Variants in SHTN1 observed in about 807,000 individuals in gnomAD.
SHTN1 encodes shootin 1, also known as shootin-1.
Under a neutral mutation model 83.1 loss-of-function variants are expected in SHTN1, and 42 were observed. That is an observed-to-expected ratio of 0.51 (90% CI 0.39 to 0.65). The LOEUF is 0.65. Ranked by LOEUF, SHTN1 falls within the 30% of genes least tolerant of loss-of-function variation. SHTN1 has a pLI of 0.00. For missense variants in SHTN1, 622 were observed against 737.8 expected (o/e 0.84, Z 1.82); for synonymous variants, 224 against 247.7 (o/e 0.90, Z 0.90).
chr10:117,003,991 G>A (rs1851913955), intron 1 of SHTN1, among the ~76,000 whole-genome samples: 1 of 152,014 alleles, frequency 6.6e-6, no homozygotes, highest in South Asian at 2.1e-4. Context: ...GCCTCCTGGC[G>A]ATTCTCCTGC....
intron 1 of SHTN1, among the ~76,000 whole-genome samples, chr10:117,077,085 G>T (rs950068913): frequency 6.6e-6 from 1 of 152,122 alleles, no homozygotes; most frequent in African/African-American, 2.4e-5. Context: ...AAGCCCTTAC[G>T]ATTTAAGAAG....
Position 116,881,707 on chromosome 10 carries a change from A to G in SHTN1, c.*4637T>C. 7.1e-7 allele frequency: 1 copy of G among 1,399,656 alleles called. No homozygotes were observed. Among genetic ancestry groups the G allele is most frequent in the Non-Finnish European group, 9.4e-7 (1 of 1,069,514 alleles). The allele number at this position is 1,399,656 out of a possible 1,614,324, so 86.7% of individuals were successfully genotyped here. On this transcript the variant is annotated 3_prime_UTR_variant, in exon 17 of 17. Coordinates refer to ENST00000355371, the MANE Select transcript of SHTN1 (RefSeq NM_001127211.3). ...CCCAGGTTCCAGCCACACCATCAGT[A>G]TTAGTAGACCGGGAGGTCTGAAGTA... is the stretch of plus-strand genomic sequence containing the variant.
At chr10:116,905,816 C>T (rs1481651469) in intron 15 of SHTN1, among the ~76,000 whole-genome samples, 1 of 152,174 alleles carries the variant, frequency 6.6e-6, no homozygotes, top group African/African-American at 2.4e-5. Context: ...TACCTGGTCA[C>T]AAGGGGAAAC....
intron 3 of SHTN1, among the ~76,000 whole-genome samples, chr10:116,963,094 C>T (rs71475008): frequency 3.7e-5 from 3 of 81,136 alleles, no homozygotes; most frequent in Admixed American, 2.2e-4. Flanking sequence ...TTTTTTGAGA[C>T]GGAGTCTCGC....
chr10:117,062,269 T>C (rs1302375119), intron 1 of SHTN1, among the ~76,000 whole-genome samples: 1 of 152,220 alleles, frequency 6.6e-6, no homozygotes, highest in Non-Finnish European at 1.5e-5. Flanking sequence ...AAAGTGAATT[T>C]ACCCTACAGT....
chr10:116,975,160 C>T (rs1451824277), intron 2 of SHTN1, among the ~76,000 whole-genome samples: 1 of 152,082 alleles, frequency 6.6e-6, no homozygotes, highest in South Asian at 2.1e-4. Context: ...GTTAAAAAAA[C>T]TCGCTGTTTT....
chr10:116,944,274 C>T (rs1039699864), intron 8 of SHTN1, among the ~76,000 whole-genome samples: 3 of 152,186 alleles, frequency 2.0e-5, no homozygotes, highest in Non-Finnish European at 2.9e-5. Flanking sequence ...CAATTCCTTT[C>T]CCTTACATAG....
chr10:117,053,730 CAT>C (rs1466376957), intron 1 of SHTN1, among the ~76,000 whole-genome samples: 1 of 152,172 alleles, frequency 6.6e-6, no homozygotes, highest in African/African-American at 2.4e-5. Context: ...AGAATTACCA[CAT>C]GACTCAGCAA....
At chr10:117,117,478 C>A (rs1242878267) in intron 1 of SHTN1, among the ~76,000 whole-genome samples, 1 of 152,170 alleles carries the variant, frequency 6.6e-6, no homozygotes, top group East Asian at 1.9e-4. Flanking sequence ...AAGCAATCTA[C>A]AGATTCAATG....
intron 12 of SHTN1, 109 bp from the exon 13 acceptor site, chr10:116,915,593 T>G: frequency 1.5e-6 from 1 of 665,226 alleles, no homozygotes; most frequent in South Asian, 2.0e-5. Context: ...CAGTCATTTT[T>G]CATTCACAGT....
chr10:117,085,552 C>T (rs1406463213), intron 1 of SHTN1, among the ~76,000 whole-genome samples: 3 of 152,120 alleles, frequency 2.0e-5, no homozygotes, highest in African/African-American at 7.2e-5. Context: ...TGTGGTCTAC[C>T]TTGGTGAATG....
intron 2 of SHTN1, among the ~76,000 whole-genome samples, chr10:117,011,233 T>G (rs1852098407): frequency 6.6e-6 from 1 of 152,246 alleles, no homozygotes; most frequent in Admixed American, 6.5e-5. Context: ...ATTTAGCTCT[T>G]AAGTTTAGGT....
chr10:116,977,734 G>A (rs1564909970), intron 2 of SHTN1, among the ~76,000 whole-genome samples: 1 of 151,876 alleles, frequency 6.6e-6, no homozygotes, highest in Non-Finnish European at 1.5e-5. Context: ...GAATGCAGTG[G>A]TGCAATCATG....
intron 16 of SHTN1, among the ~76,000 whole-genome samples, chr10:116,891,437 C>T (rs770035978): frequency 6.6e-6 from 1 of 152,164 alleles, no homozygotes; most frequent in Non-Finnish European, 1.5e-5. Context: ...CACAGCCGGA[C>T]GGTCTGAACT....
intron 1 of SHTN1, among the ~76,000 whole-genome samples, chr10:117,086,369 G>T (rs1409558632): frequency 6.6e-6 from 1 of 152,124 alleles, no homozygotes; most frequent in Non-Finnish European, 1.5e-5. Context: ...CATAGTTGGG[G>T]TCTTGTTTGC....
upstream of SHTN1, among the ~76,000 whole-genome samples, chr10:117,009,767 G>A (rs1488002479): frequency 6.6e-6 from 1 of 152,020 alleles, no homozygotes; most frequent in Non-Finnish European, 1.5e-5. Context: ...AGCCGGGCGT[G>A]GTGGCGGGCG....
chr10:117,054,852 C>T (rs1852805092), intron 1 of SHTN1, among the ~76,000 whole-genome samples: 1 of 152,128 alleles, frequency 6.6e-6, no homozygotes, highest in Non-Finnish European at 1.5e-5. Flanking sequence ...CTTTTCAGGA[C>T]AAAGCAATAT....
Position 117,027,689 on chromosome 10 carries a change from G to A in SHTN1, c.-123+20756C>T, listed in dbSNP as rs1020291464. Among the ~76,000 whole-genome samples the A allele has an allele frequency of 7.9e-5, 12 of 151,984 alleles. 1 individual carries two copies. The highest frequency in any genetic ancestry group is 5.9e-4 in the Admixed American group (9 of 15,250). ...AATTTTTTGTATTTTTAGAAGAGACGGGGTTTCACCATGTTAGCCAGGATG... is the reference window on the plus strand; with the variant it reads ...AATTTTTTGTATTTTTAGAAGAGACAGGGTTTCACCATGTTAGCCAGGATG... On this transcript the variant is annotated intron_variant, in intron 2 of 17. Transcript: ENST00000392901.
At chr10:116,924,316 C>T (rs1185920803) in intron 11 of SHTN1, among the ~76,000 whole-genome samples, 3 of 150,544 alleles carry the variant, frequency 2.0e-5, no homozygotes, top group South Asian at 4.2e-4. Context: ...GCACTGACCT[C>T]GCCTCTCGTT....
Sources: gnomAD v4.1 joint callset for allele counts (sites outside exome capture counted in the v4.1 genomes callset) on GRCh38, gnomAD v4.1.1 for gene constraint, MANE v1.5 for transcripts, NCBI Gene and HGNC (gene_info 2026-07-23, HGNC 2026-07-21) for gene names.